The following FGF14 variants were observed in gnomAD, a reference collection of about 807,000 sequenced individuals.
FGF14 encodes the protein fibroblast growth factor homologous factor 4.
A neutral mutation model predicts 25.5 loss-of-function variants in FGF14; 5 were observed. The ratio of observed to expected loss-of-function variants is 0.20; its 90% CI spans 0.10 to 0.41. The LOEUF is 0.41. Among genes scored for constraint, FGF14 ranks in the 10% least tolerant of loss-of-function variants. The probability of loss-of-function intolerance (pLI) is 1.00; values close to 1 mark genes in which losing one functional copy is unlikely to be tolerated. For synonymous variants in FGF14, 138 were observed against 118.3 expected, an observed-to-expected ratio of 1.17 and a Z score of -1.08; for missense variants, 222 against 320.1, an observed-to-expected ratio of 0.69 and a Z score of 2.34.
intron 1 of FGF14, among the ~76,000 whole-genome samples, chr13:102,044,114 G>A (rs920081573): frequency 2.8e-4 from 42 of 152,278 alleles, no homozygotes; most frequent in African/African-American, 9.4e-4. Context: ...GATACAGCTG[G>A]AACATGTGCT....
At chr13:101,743,029 G>A (rs2036652606) in intron 3 of FGF14, among the ~76,000 whole-genome samples, 1 of 152,172 alleles carries the variant, frequency 6.6e-6, no homozygotes, top group South Asian at 2.1e-4. Context: ...CCTATGACCT[G>A]GAAGTCCCCT....
intron 1 of FGF14, among the ~76,000 whole-genome samples, chr13:101,892,419 C>T (rs2029887464): frequency 6.6e-6 from 1 of 152,078 alleles, no homozygotes; most frequent in African/African-American, 2.4e-5. Flanking sequence ...TAATTAAGAT[C>T]AAAACATTCT....
At chr13:102,017,249 G>A (rs2040396896) in intron 1 of FGF14, among the ~76,000 whole-genome samples, 1 of 152,096 alleles carries the variant, frequency 6.6e-6, no homozygotes, top group Admixed American at 6.5e-5. Context: ...TGTGTTTATA[G>A]TCACCCTAGA....
chr13:102,235,352 T>C (rs1279909123), intron 1 of FGF14, among the ~76,000 whole-genome samples: 2 of 152,206 alleles, frequency 1.3e-5, no homozygotes, highest in African/African-American at 2.4e-5. Context: ...CACTTAGCTG[T>C]CAATATAACC....
chr13:102,175,971 A>C (rs2140713224), intron 1 of FGF14, among the ~76,000 whole-genome samples: 1 of 152,236 alleles, frequency 6.6e-6, no homozygotes, highest in Non-Finnish European at 1.5e-5. Context: ...TGTCGGTGGG[A>C]ATGTAAATTA....
chr13:102,042,392 G>A (rs901533256), intron 1 of FGF14, among the ~76,000 whole-genome samples: 4 of 152,158 alleles, frequency 2.6e-5, no homozygotes, highest in African/African-American at 7.2e-5. Flanking sequence ...TGAGAAGGTC[G>A]TAATCATTGT....
chr13:102,044,783 C>G (rs16959662), intron 1 of FGF14, among the ~76,000 whole-genome samples: 4,839 of 152,200 alleles, frequency 0.032, 247 homozygotes, highest in African/African-American at 0.11. Context: ...CAGTCCCCCA[C>G]AACTTTCCAA....
chr13:102,363,564 C>T (rs905637772), intron 1 of FGF14, among the ~76,000 whole-genome samples: 4 of 152,154 alleles, frequency 2.6e-5, no homozygotes, highest in East Asian at 1.9e-4. Context: ...CACTGCATTC[C>T]GTTAGAAAAG....
intron 1 of FGF14, among the ~76,000 whole-genome samples, chr13:101,922,837 G>GT (rs369063775): frequency 6.7e-6 from 1 of 148,650 alleles, no homozygotes; most frequent in Non-Finnish European, 1.5e-5. Context: ...CCTGGATTTT[G>GT]TTTTTTATTT....
intron 1 of FGF14, among the ~76,000 whole-genome samples, chr13:102,323,996 TGTGTGTGTG>T (rs2056337139): frequency 6.6e-6 from 1 of 151,320 alleles, no homozygotes; most frequent in African/African-American, 2.4e-5. Flanking sequence ...TGTGTGTGTG[TGTGTGTGTG>T]TTGCTGTACA....
rs115311731 is a variant in FGF14, at chr13:102,139,880, C to T, written c.208+261591G>A. Among the ~76,000 whole-genome samples the T allele has an allele frequency of 2.6e-3, 395 of 152,316 alleles. 1 individual carries two copies. The highest frequency in any genetic ancestry group is 8.9e-3 in the African/African-American group (368 of 41,572). ...GCTACAAACCAAGCCAGGGCAGGAACGGCATGCCTTCCAGGGGTGCCTGAT... is the reference window on the plus strand; with the variant it reads ...GCTACAAACCAAGCCAGGGCAGGAATGGCATGCCTTCCAGGGGTGCCTGAT... On this transcript the variant is annotated intron_variant, in intron 1 of 4. Transcript: ENST00000376131.
At chr13:102,283,004 C>T (rs536489306) in intron 1 of FGF14, among the ~76,000 whole-genome samples, 2 of 152,148 alleles carry the variant, frequency 1.3e-5, no homozygotes, top group Non-Finnish European at 2.9e-5. Context: ...GCATTTATCT[C>T]TTTCTCTGAG....
At chr13:101,957,211 T>C (rs933705893) in intron 1 of FGF14, among the ~76,000 whole-genome samples, 1 of 152,186 alleles carries the variant, frequency 6.6e-6, no homozygotes, top group African/African-American at 2.4e-5. Flanking sequence ...CAACATCCCT[T>C]GAATGCTGCA....
At chr13:102,274,489 T>A (rs1326966665) in intron 1 of FGF14, among the ~76,000 whole-genome samples, 5 of 152,206 alleles carry the variant, frequency 3.3e-5, no homozygotes, top group African/African-American at 7.2e-5. Flanking sequence ...AAAGCAAGGA[T>A]GCTGTCTCTT....
chr13:102,061,394 C>T (rs1203891509), intron 1 of FGF14, among the ~76,000 whole-genome samples: 11 of 152,220 alleles, frequency 7.2e-5, no homozygotes, highest in Non-Finnish European at 1.2e-4. Context: ...ATGTTCCTCC[C>T]AGAGGTTTGC....
At chr13:102,192,470 T>C (rs1298384773) in intron 1 of FGF14, among the ~76,000 whole-genome samples, 1 of 152,176 alleles carries the variant, frequency 6.6e-6, no homozygotes, top group Non-Finnish European at 1.5e-5. Flanking sequence ...TTATTTGCAA[T>C]AGAGATAGGC....
At chr13:102,080,952 C>A (rs866796944) in intron 1 of FGF14, among the ~76,000 whole-genome samples, 9 of 152,210 alleles carry the variant, frequency 5.9e-5, no homozygotes, top group Admixed American at 2.0e-4. Context: ...AGGACTTCCT[C>A]CAGCAAAAGG....
At position 102,400,353 on chromosome 13, in the gene FGF14, C is replaced by T. The variant is rs1052193231; in HGVS notation, c.208+1118G>A. 1.3e-5 allele frequency among the ~76,000 whole-genome samples: 2 copies of T among 152,226 alleles called. No individual in the cohort carries two copies. The highest frequency in any genetic ancestry group is 2.9e-5 in the Non-Finnish European group (2 of 68,050). ...GCCCGCTCCCTCCTTCAGACACAAC[C>T]CCAGACAAAAACAGCCGGCCCCGGG... is the stretch of plus-strand genomic sequence containing the variant. On this transcript the variant is annotated intron_variant, in intron 1 of 4. Coordinates refer to the FGF14 transcript ENST00000376131. The surrounding 1 kb of genome is among the most constrained non-coding windows in gnomAD (Gnocchi z 4.3).
chr13:101,881,505 A>G (rs2045709744), intron 1 of FGF14, among the ~76,000 whole-genome samples: 1 of 152,230 alleles, frequency 6.6e-6, no homozygotes, highest in African/African-American at 2.4e-5. Context: ...TATTTTCCAA[A>G]TTAAATCCTA....
Sources: gnomAD v4.1 joint callset for allele counts (sites outside exome capture counted in the v4.1 genomes callset) on GRCh38, gnomAD v4.1.1 for gene constraint, Gnocchi (gnomAD v3.1) non-coding constraint, MANE v1.5 for transcripts, NCBI Gene and HGNC (gene_info 2026-07-23, HGNC 2026-07-21) for gene names.